TENT4B: variants seen among roughly 807,000 people sequenced by gnomAD.
The protein encoded by TENT4B is PAP associated domain containing 5.
A neutral mutation model predicts 75.0 loss-of-function variants in TENT4B; 10 were observed. The ratio of observed to expected loss-of-function variants is 0.13; its 90% CI spans 0.08 to 0.23. The LOEUF (loss-of-function observed/expected upper bound fraction) is 0.23. Among genes scored for constraint, TENT4B ranks in the 10% least tolerant of loss-of-function variants. TENT4B has a pLI of 1.00. For missense variants in TENT4B, 579 were observed against 893.8 expected (o/e 0.65, Z 4.49); for synonymous variants, 350 against 357.7 (o/e 0.98, Z 0.24).
At chr16:50,198,119 T>TAATA (rs2030396010) in intron 1 of TENT4B, among the ~76,000 whole-genome samples, 1 of 134,154 alleles carries the variant, frequency 7.5e-6, no homozygotes, top group South Asian at 2.4e-4. Context: ...AAAATATAAT[T>TAATA]AAAAAAAAAA....
At chr16:50,169,389 T>C (rs1228586059) in intron 1 of TENT4B, among the ~76,000 whole-genome samples, 1 of 3,618 alleles carries the variant, frequency 2.8e-4, no homozygotes, top group Non-Finnish European at 1.2e-3. Context: ...TTTTGTGGGT[T>C]TTTTTTTTTT....
At chr16:50,215,287 T>A (rs1320548763) in intron 3 of TENT4B, among the ~76,000 whole-genome samples, 1 of 152,196 alleles carries the variant, frequency 6.6e-6, no homozygotes, top group East Asian at 1.9e-4. Context: ...TGAGCTTGAT[T>A]TGGTATACTT....
chr16:50,215,371 G>T (rs1354650060), intron 3 of TENT4B, among the ~76,000 whole-genome samples: 2 of 152,138 alleles, frequency 1.3e-5, no homozygotes, highest in Non-Finnish European at 2.9e-5. Flanking sequence ...CCCTTGGCCT[G>T]CAAAAGTCAT....
Position 50,233,114 on chromosome 16 carries a change from A to G in TENT4B, c.*3786A>G. ...TAAATGCGTCTAACAAACCTAATTG[A>G]ATATAAAAGTTATATTTAGTAGTTA... On this transcript the variant is annotated 3_prime_UTR_variant, in exon 12 of 12. Transcript: ENST00000561678. The G allele has an allele frequency of 8.1e-6, 8 of 983,256 alleles. No individual in the cohort carries two copies. Among genetic ancestry groups the G allele is most frequent in the Non-Finnish European group, 9.7e-6 (8 of 827,934 alleles). The allele number at this position is 983,256 out of a possible 1,614,324, so 60.9% of individuals were successfully genotyped here. A position where few individuals can be genotyped will look rare whatever the true frequency, so the allele number is the denominator to read the frequency against.
At chr16:50,207,604 T>C (rs1018158400) in intron 1 of TENT4B, among the ~76,000 whole-genome samples, 13 of 152,184 alleles carry the variant, frequency 8.5e-5, no homozygotes, top group African/African-American at 3.1e-4. Flanking sequence ...CTTAGTTCAG[T>C]ATGATGTATT....
In TENT4B at chr16:50,194,991, C is replaced by T. The variant is rs755324217; in HGVS notation, c.639-16332C>T. Among the ~76,000 whole-genome samples, 298 of 152,124 alleles carry T rather than the reference C, an allele frequency of 2.0e-3. 3 individuals are homozygous for T. The highest frequency in any genetic ancestry group is 3.1e-3 in the Admixed American group (48 of 15,268). Reference sequence around the variant, plus strand: ...GTCTCGATCTCCTGACCTTGTGATCCGCCTGCCTCGGCCTCCCAAAGTGCT... The same window carrying T: ...GTCTCGATCTCCTGACCTTGTGATCTGCCTGCCTCGGCCTCCCAAAGTGCT... On this transcript the variant is annotated intron_variant, in intron 1 of 11. Coordinates refer to ENST00000561678, the MANE Select transcript of TENT4B (RefSeq NM_001365324.3).
chr16:50,192,812 C>A lies in TENT4B; in HGVS notation c.639-18511C>A, dbSNP rs145648842. ...TTAAAAAATGTAAAAACAGGCCAGG[C>A]GTGGTGGCTCATGCTTGTAATCCCA... On this transcript the variant is annotated intron_variant, in intron 1 of 11. Coordinates refer to ENST00000561678, the MANE Select transcript of TENT4B (RefSeq NM_001365324.3). Among the ~76,000 whole-genome samples the A allele has an allele frequency of 6.4e-3, 977 of 152,176 alleles. 9 individuals are homozygous for A. Among genetic ancestry groups the A allele is most frequent in the African/African-American group, 0.023 (939 of 41,512 alleles).
At chr16:50,166,597 G>A (rs2038105158) in intron 1 of TENT4B, among the ~76,000 whole-genome samples, 1 of 151,804 alleles carries the variant, frequency 6.6e-6, no homozygotes, top group Non-Finnish European at 1.5e-5. Context: ...TTATTGTTGA[G>A]CTATAGGAGT....
At position 50,229,543 on chromosome 16, in the gene TENT4B, G is replaced by A. The variant is rs549432898; in HGVS notation, c.*215G>A. 257 of 1,253,704 alleles carry A rather than the reference G, an allele frequency of 2.0e-4. No individual in the cohort carries two copies. Among genetic ancestry groups the A allele is most frequent in the Non-Finnish European group, 2.4e-4 (243 of 1,002,512 alleles). The allele number at this position is 1,253,704 out of a possible 1,614,324, so 77.7% of individuals were successfully genotyped here. A position where few individuals can be genotyped will look rare whatever the true frequency, so the allele number is the denominator to read the frequency against. ...AAAAAAAAAGCAAGCAAAAAAGAGGGAAAAAAAAGGCTGCTTATTTGATAA... is the reference window on the plus strand; with the variant it reads ...AAAAAAAAAGCAAGCAAAAAAGAGGAAAAAAAAAGGCTGCTTATTTGATAA... On this transcript the variant is annotated 3_prime_UTR_variant, in exon 12 of 12. Transcript: ENST00000561678.
chr16:50,185,042 AAG>A (rs1386787812), intron 1 of TENT4B, among the ~76,000 whole-genome samples: 1 of 152,126 alleles, frequency 6.6e-6, no homozygotes, highest in Admixed American at 6.5e-5. Context: ...GCGAGTGAGA[AAG>A]AGAGAGAGGC....
At position 50,232,228 on chromosome 16, in the gene TENT4B, CTT is replaced by C; in HGVS notation, c.*2902_*2903del. 3 of 985,294 alleles carry C rather than the reference CTT, an allele frequency of 3.0e-6. No individual in the cohort carries two copies. The highest frequency in any genetic ancestry group is 3.6e-6 in the Non-Finnish European group (3 of 829,900). 61.0% of individuals were successfully genotyped at this position (985,294 alleles called of 1,614,324 possible). A position where few individuals can be genotyped will look rare whatever the true frequency, so the allele number is the denominator to read the frequency against. On this transcript the variant is annotated 3_prime_UTR_variant, in exon 12 of 12. Transcript: ENST00000561678. The stretch of plus-strand genomic sequence containing the variant: ...TGTGAAGGTGCCTGGTTTTGAATGT[CTT>C]TGTTTGGTTTGGAGATGTCGCACTC...
Position 50,234,538 on chromosome 16 carries a change from G to C in TENT4B, c.*5210G>C. 1.0e-6 allele frequency: 1 copy of C among 982,754 alleles called. No homozygotes were observed. Among genetic ancestry groups the C allele is most frequent in the Non-Finnish European group, 1.2e-6 (1 of 827,596 alleles). 60.9% of individuals were successfully genotyped at this position (982,754 alleles called of 1,614,324 possible). On this transcript the variant is annotated 3_prime_UTR_variant, in exon 12 of 12. Transcript: ENST00000561678. The stretch of plus-strand genomic sequence containing the variant: ...ATTTCATTATTACCTTTTATATTTA[G>C]TTGCAATTTATTATAATATGTTGTT...
At chr16:50,177,342 A>T (rs914290184) in intron 1 of TENT4B, among the ~76,000 whole-genome samples, 4 of 152,162 alleles carry the variant, frequency 2.6e-5, no homozygotes, top group African/African-American at 9.7e-5. Context: ...AGAATTCACC[A>T]GTGAACCCAT....
chr16:50,158,660 A>G (rs570869026), intron 1 of TENT4B, among the ~76,000 whole-genome samples: 1 of 152,278 alleles, frequency 6.6e-6, no homozygotes, highest in African/African-American at 2.4e-5. Flanking sequence ...CAAGCTCATG[A>G]TAGGTTTCTG....
chr16:50,229,333 C>T lies in TENT4B; in HGVS notation c.*5C>T, dbSNP rs370561036. 1.1e-5 allele frequency: 17 copies of T among 1,607,694 alleles called. No individual in the cohort carries two copies. Among genetic ancestry groups the T allele is most frequent in the African/African-American group, 2.7e-5 (2 of 74,578 alleles). The stretch of plus-strand genomic sequence containing the variant: ...CTCTCAGACCTCTGTAGATAGTCAG[C>T]GCTGCGCGGTGGACTGTCTTCTCTG... On this transcript the variant is annotated 3_prime_UTR_variant, in exon 12 of 12. Transcript: ENST00000561678.
upstream of TENT4B, among the ~76,000 whole-genome samples, chr16:50,153,273 T>TCGCTGCCGC (rs918560929): frequency 3.8e-3 from 514 of 136,262 alleles, 6 homozygotes; most frequent in African/African-American, 0.01. Flanking sequence ...CAGGCGCGTC[T>TCGCTGCCGC]CGCTGCCGCC....
intron 7 of TENT4B, 33 bp from the exon 8 acceptor site, chr16:50,224,624 A>C (rs768790233): frequency 2.5e-6 from 4 of 1,612,372 alleles, no homozygotes; most frequent in Non-Finnish European, 3.4e-6. Flanking sequence ...AAGCACAGTC[A>C]GGCTTACTAT....
chr16:50,225,906 ACTC>A (rs577072328), intron 10 of TENT4B, among the ~76,000 whole-genome samples: 2 of 150,806 alleles, frequency 1.3e-5, no homozygotes, highest in South Asian at 4.2e-4. Flanking sequence ...CTGGTCCTGA[ACTC>A]CTGATCTTGT....
At chr16:50,156,595 T>C (rs763244019) in intron 1 of TENT4B, among the ~76,000 whole-genome samples, 1 of 152,110 alleles carries the variant, frequency 6.6e-6, no homozygotes, top group Non-Finnish European at 1.5e-5. Context: ...CTGCCCGTCT[T>C]GGCCTCCCAA....
Sources: gnomAD v4.1 joint callset for allele counts (sites outside exome capture counted in the v4.1 genomes callset) on GRCh38, gnomAD v4.1.1 for gene constraint, MANE v1.5 for transcripts, NCBI Gene and HGNC (gene_info 2026-07-23, HGNC 2026-07-21) for gene names.